SMYD3: variants seen among roughly 807,000 people sequenced by gnomAD.
SMYD3 encodes the protein histone-lysine N-methyltransferase SMYD3.
A neutral mutation model predicts 57.7 loss-of-function variants in SMYD3; 36 were observed. The ratio of observed to expected loss-of-function variants is 0.62; its 90% CI spans 0.48 to 0.82. The LOEUF is 0.82. SMYD3 is among the 40% of genes least tolerant of loss of function. SMYD3 has a pLI of 0.00. For synonymous variants in SMYD3, 211 were observed against 195.0 expected, an observed-to-expected ratio of 1.08 and a Z score of -0.68; for missense variants, 515 against 538.8, an observed-to-expected ratio of 0.96 and a Z score of 0.44.
chr1:245,886,552 G>A (rs1319264290), intron 8 of SMYD3, among the ~76,000 whole-genome samples: 3 of 152,092 alleles, frequency 2.0e-5, no homozygotes, highest in Non-Finnish European at 4.4e-5. Context: ...GTAAGCAGAT[G>A]AGTATTTGAA....
chr1:246,331,060 A>G (rs1315324492), intron 3 of SMYD3, among the ~76,000 whole-genome samples: 2 of 152,206 alleles, frequency 1.3e-5, no homozygotes, highest in Non-Finnish European at 1.5e-5. Flanking sequence ...ACTTGAGCCC[A>G]GCAGTTCAAG....
intron 10 of SMYD3, among the ~76,000 whole-genome samples, chr1:245,788,455 A>G (rs1012787224): frequency 6.6e-6 from 1 of 152,192 alleles, no homozygotes; most frequent in Non-Finnish European, 1.5e-5. Context: ...CATGCCTACT[A>G]GGTTAAAGGA....
At chr1:246,422,942 A>C (rs2067163873) in intron 1 of SMYD3, among the ~76,000 whole-genome samples, 1 of 152,058 alleles carries the variant, frequency 6.6e-6, no homozygotes, top group African/African-American at 2.4e-5. Flanking sequence ...TAAAATTCAA[A>C]AGAAGAAAAA....
intron 1 of SMYD3, among the ~76,000 whole-genome samples, chr1:246,458,067 T>C (rs1055300732): frequency 6.6e-6 from 1 of 152,324 alleles, no homozygotes; most frequent in South Asian, 2.1e-4. Flanking sequence ...GGTCCAACTT[T>C]CCTGTTTTTC....
At chr1:246,048,461 A>G (rs974133392) in intron 5 of SMYD3, among the ~76,000 whole-genome samples, 2 of 152,244 alleles carry the variant, frequency 1.3e-5, no homozygotes, top group African/African-American at 4.8e-5. Flanking sequence ...GTGACAAAAA[A>G]GTAAAAATAC....
At chr1:246,459,370 C>G (rs537059147) in intron 1 of SMYD3, among the ~76,000 whole-genome samples, 3 of 151,880 alleles carry the variant, frequency 2.0e-5, no homozygotes, top group African/African-American at 7.2e-5. Flanking sequence ...CGTCCCCATT[C>G]ACTCTCTCCT....
At chr1:245,804,727 G>T (rs2048056821) in intron 10 of SMYD3, among the ~76,000 whole-genome samples, 1 of 152,096 alleles carries the variant, frequency 6.6e-6, no homozygotes, top group Admixed American at 6.5e-5. Context: ...TTTGCATTCT[G>T]CCACGTGAGG....
intron 5 of SMYD3, chr1:246,111,619 C>T (rs1422438885): frequency 6.6e-6 from 1 of 152,238 alleles, no homozygotes; most frequent in Non-Finnish European, 1.5e-5. Context: ...TAAGACTAAA[C>T]TGTATGATCC....
chr1:246,256,737 T>C (rs546874573), intron 5 of SMYD3, among the ~76,000 whole-genome samples: 35 of 152,124 alleles, frequency 2.3e-4, no homozygotes, highest in African/African-American at 8.4e-4. Context: ...CTTGTTTTTC[T>C]AGTTCCTTTA....
intron 5 of SMYD3, chr1:245,956,193 T>A: frequency 2.8e-6 from 1 of 353,004 alleles, no homozygotes; most frequent in Non-Finnish European, 4.0e-6. Context: ...GTTGGGATTA[T>A]AGGCGTGAGC....
In SMYD3 at chr1:246,068,085, G is replaced by A. The variant is rs534505121; in HGVS notation, c.532-138148C>T. Among the ~76,000 whole-genome samples the A allele has an allele frequency of 5.3e-5, 8 of 152,136 alleles. No individual in the cohort carries two copies. The East Asian group carries it at 1.3e-3, about 26-fold the overall frequency. On this transcript the variant is annotated intron_variant, in intron 5 of 11. Transcript: ENST00000490107. ...GTATGTGTGACTGTTTAGAAAAGCA[G>A]TTAAGGGCGGTTGAGTCTTTCTTGG...
chr1:246,114,813 G>A (rs1422960538), intron 5 of SMYD3, among the ~76,000 whole-genome samples: 1 of 152,116 alleles, frequency 6.6e-6, no homozygotes, highest in Non-Finnish European at 1.5e-5. Context: ...TGTATTTTTA[G>A]TAGAGACGGG....
chr1:246,195,503 C>T (rs1269017736), intron 5 of SMYD3, among the ~76,000 whole-genome samples: 1 of 152,142 alleles, frequency 6.6e-6, no homozygotes, highest in African/African-American at 2.4e-5. Context: ...TTCAGAGGTA[C>T]ATTCACATCC....
intron 1 of SMYD3, among the ~76,000 whole-genome samples, chr1:246,438,531 C>G (rs2067415182): frequency 6.6e-6 from 1 of 152,132 alleles, no homozygotes; most frequent in Non-Finnish European, 1.5e-5. Flanking sequence ...CACCAACCCC[C>G]TCCCTGGCCC....
chr1:246,335,878 G>A (rs2065535595), intron 2 of SMYD3, among the ~76,000 whole-genome samples: 1 of 152,142 alleles, frequency 6.6e-6, no homozygotes, highest in African/African-American at 2.4e-5. Context: ...TGGTTCAGAA[G>A]ACTCAAAATA....
At chr1:245,951,587 T>C (rs2057654654) in intron 5 of SMYD3, among the ~76,000 whole-genome samples, 1 of 140,496 alleles carries the variant, frequency 7.1e-6, no homozygotes, top group African/African-American at 2.9e-5. Context: ...AAAAAAACAA[T>C]TGCCATGATA....
At chr1:246,012,963 C>CA (rs750733322) in intron 5 of SMYD3, among the ~76,000 whole-genome samples, 32 of 152,160 alleles carry the variant, frequency 2.1e-4, no homozygotes, top group Non-Finnish European at 5.9e-5. Context: ...TCTTCTGCTA[C>CA]AAAAGAGCAT....
intron 1 of SMYD3, among the ~76,000 whole-genome samples, chr1:246,368,037 T>C (rs913004768): frequency 2.6e-5 from 4 of 152,136 alleles, no homozygotes; most frequent in African/African-American, 9.7e-5. Flanking sequence ...ACAAGTTAAG[T>C]CCTCTCTTCT....
chr1:246,267,510 C>T (rs375104930), intron 5 of SMYD3, among the ~76,000 whole-genome samples: 25 of 152,204 alleles, frequency 1.6e-4, no homozygotes, highest in Non-Finnish European at 2.8e-4. Context: ...ACTTACTCCT[C>T]GTCCTCAAAT....
Sources: gnomAD v4.1 joint callset for allele counts (sites outside exome capture counted in the v4.1 genomes callset) on GRCh38, gnomAD v4.1.1 for gene constraint, MANE v1.5 for transcripts, NCBI Gene and HGNC (gene_info 2026-07-23, HGNC 2026-07-21) for gene names.